Variants in TAF1 observed in about 807,000 individuals in gnomAD.
TAF1 encodes TATA-box binding protein associated factor 1.
In TAF1, 2 loss-of-function variants were observed where a neutral mutation model predicts 138.5. The ratio of observed to expected loss-of-function variants is 0.01; its 90% CI spans 0.01 to 0.05. TAF1 has a LOEUF of 0.05. TAF1 is among the 10% of genes least tolerant of loss of function. TAF1 has a pLI of 1.00. For synonymous variants in TAF1, 437 were observed against 503.2 expected, an observed-to-expected ratio of 0.87 and a Z score of 1.76; for missense variants, 709 against 1,478.0, an observed-to-expected ratio of 0.48 and a Z score of 8.53.
chrX:71,505,017 A>G (rs1327735613), intron 13 of TAF1, among the ~76,000 whole-genome samples: 2 of 107,426 alleles, frequency 1.9e-5, no homozygotes, highest in Non-Finnish European at 1.9e-5. Context: ...TGTGGTCCCA[A>G]CTACTTGGGA....
chrX:71,527,463 C>T (rs889484475), intron 13 of TAF1, among the ~76,000 whole-genome samples: 4 of 110,081 alleles, frequency 3.6e-5, no homozygotes, highest in Admixed American at 2.9e-4. Context: ...ATGAAATGTG[C>T]TTTCAATACA....
At chrX:71,434,968 G>A (rs1182104097) in intron 32 of TAF1, among the ~76,000 whole-genome samples, 3 of 112,688 alleles carry the variant, frequency 2.7e-5, no homozygotes, top group African/African-American at 9.7e-5. Context: ...TACACAATCT[G>A]TGGCTATATC....
intron 6 of TAF1, 99 bp downstream of exon 6, chrX:71,377,920 G>A: frequency 1.1e-6 from 1 of 938,388 alleles, no homozygotes; most frequent in South Asian, 2.6e-5. Context: ...TAATACCATA[G>A]CAGATAGAAT....
chrX:71,451,717 G>A (rs1308190066), intron 32 of TAF1, among the ~76,000 whole-genome samples: 4 of 110,062 alleles, frequency 3.6e-5, no homozygotes, highest in Non-Finnish European at 5.7e-5. Flanking sequence ...GTTTAACAAA[G>A]CACATCTTGC....
rs941873961 is a variant in TAF1, at chrX:71,426,114, G to T, written c.4753+1876G>T. Among the ~76,000 whole-genome samples the T allele has an allele frequency of 3.6e-5, 4 of 109,651 alleles. No individual in the cohort carries two copies. The Admixed American group carries it at 3.9e-4, about 11-fold the overall frequency. Reference sequence around the variant, plus strand: ...ATCTCAGAAAAAAAAAAAAAGTGGGGTTAGAGGAAGCTTTCTGGAAGAGGG... The same window carrying T: ...ATCTCAGAAAAAAAAAAAAAGTGGGTTTAGAGGAAGCTTTCTGGAAGAGGG... On this transcript the variant is annotated intron_variant, in intron 32 of 37. Coordinates refer to ENST00000423759, the MANE Select transcript of TAF1 (RefSeq NM_004606.5).
At chrX:71,441,709 G>A (rs1381441046) in intron 32 of TAF1, 1 of 280,926 alleles carries the variant, frequency 3.6e-6, no homozygotes, top group South Asian at 3.3e-5. Context: ...GGGTACATGT[G>A]CACAACGTGC....
intron 13 of TAF1, among the ~76,000 whole-genome samples, chrX:71,490,614 A>G (rs2039256994): frequency 9.0e-6 from 1 of 111,502 alleles, no homozygotes; most frequent in Non-Finnish European, 1.9e-5. Context: ...ATTATACTAC[A>G]AAGCTATGGT....
chrX:71,459,482 C>A lies in TAF1; in HGVS notation c.5065-70C>A, dbSNP rs1484421391. On this transcript the variant is annotated intron_variant, in intron 35 of 37. Coordinates refer to ENST00000423759, the MANE Select transcript of TAF1 (RefSeq NM_004606.5). ...GGGCGGGGCGGGGAGGGGGGGTGTG[C>A]CTGGTGGTGGCTTCTGGTCTCTTAT... 5 of 1,162,938 alleles carry A rather than the reference C, an allele frequency of 4.3e-6. No homozygotes were observed. In the African/African-American group the frequency reaches 9.1e-5, roughly 21 times the overall value.
chrX:71,504,741 C>CAAAAAAAAAAAAAAAAAA (rs41370846), intron 13 of TAF1, among the ~76,000 whole-genome samples: 3 of 5,704 alleles, frequency 5.3e-4, no homozygotes, highest in African/African-American at 1.1e-3. Context: ...GACCCTGTCT[C>CAAAAAAAAAAAAAAAAAA]AAAAAAAAAA....
chrX:71,452,802 C>T (rs1401931270), intron 32 of TAF1, among the ~76,000 whole-genome samples: 1 of 112,432 alleles, frequency 8.9e-6, no homozygotes, highest in African/African-American at 3.2e-5. Context: ...GCTCCGTCTG[C>T]AATCCCGGCA....
chrX:71,427,485 G>A (rs1406115671), intron 32 of TAF1, among the ~76,000 whole-genome samples: 1 of 111,857 alleles, frequency 8.9e-6, no homozygotes, highest in African/African-American at 3.2e-5. Context: ...GCTGACTTAG[G>A]ACATAGGGCA....
intron 34 of TAF1, among the ~76,000 whole-genome samples, chrX:71,457,782 C>G (rs1215419023): frequency 8.9e-6 from 1 of 112,265 alleles, no homozygotes; most frequent in Non-Finnish European, 1.9e-5. Flanking sequence ...TTTCACCATG[C>G]CATTTTGCTT....
intron 32 of TAF1, among the ~76,000 whole-genome samples, chrX:71,443,745 T>G (rs2037543103): frequency 9.0e-6 from 1 of 111,484 alleles, no homozygotes; most frequent in Admixed American, 9.6e-5. Flanking sequence ...TGAGACAGAG[T>G]CTCACACTGT....
chrX:71,524,019 CTTTTT>C (rs397895424), intron 13 of TAF1, among the ~76,000 whole-genome samples: 1 of 76,376 alleles, frequency 1.3e-5, no homozygotes, highest in Non-Finnish European at 2.6e-5. Flanking sequence ...TGTAATAGTT[CTTTTT>C]TTTTTTTTTT....
At chrX:71,407,911 T>G in intron 27 of TAF1, 63 bp from the exon 28 acceptor site, 1 of 1,159,753 alleles carries the variant, frequency 8.6e-7, no homozygotes, top group Non-Finnish European at 1.2e-6. Flanking sequence ...GATGTGAAAG[T>G]CTTCAGGAAT....
chrX:71,508,086 C>CTCTCTATATATATATATATA (rs4040068), intron 13 of TAF1, among the ~76,000 whole-genome samples: 3 of 92,199 alleles, frequency 3.3e-5, no homozygotes, highest in Admixed American at 1.2e-4. Flanking sequence ...CTCTCTCTCT[C>CTCTCTATATATATATATATA]TATATATATA....
At chrX:71,466,594 T>G (rs765800039), downstream of TAF1, 23 of 112,118 alleles carry the variant, frequency 2.1e-4, no homozygotes, top group African/African-American at 6.8e-4. Flanking sequence ...GCCAGGCTGG[T>G]TTCAAACTCC....
In TAF1 at chrX:71,508,086, C is replaced by CTCTCTCTCTATA. The variant is rs4040068; in HGVS notation, c.1367-20455_1367-20454insCTCTCTCTATAT. 6.8e-4 allele frequency among the ~76,000 whole-genome samples: 63 copies of CTCTCTCTCTATA among 92,172 alleles called. 1 individual carries two copies. The highest frequency in any genetic ancestry group is 2.6e-3 in the African/African-American group (61 of 23,322). 80.0% of individuals were successfully genotyped at this position (92,172 alleles called of 115,157 possible). On this transcript the variant is annotated intron_variant and NMD_transcript_variant, in intron 13 of 14. Coordinates refer to the TAF1 transcript ENST00000373775. Reference sequence around the variant, plus strand: ...GAATATTCTCTCTCTCTCTCTCTCTCTATATATATATATATATATATATAT... The same window carrying CTCTCTCTCTATA: ...GAATATTCTCTCTCTCTCTCTCTCTCTCTCTCTCTATATATATATATATATATATATATATAT...
intron 28 of TAF1, among the ~76,000 whole-genome samples, chrX:71,418,967 A>C (rs1357730879): frequency 9.0e-6 from 1 of 110,567 alleles, no homozygotes; most frequent in African/African-American, 3.3e-5. Context: ...GGGTTTCTCC[A>C]TGTTGGTCAG....
Sources: gnomAD v4.1 joint callset for allele counts (sites outside exome capture counted in the v4.1 genomes callset) on GRCh38, gnomAD v4.1.1 for gene constraint, MANE v1.5 for transcripts, NCBI Gene and HGNC (gene_info 2026-07-23, HGNC 2026-07-21) for gene names.